The following DOCK2 variants were observed in gnomAD, a reference collection of about 807,000 sequenced individuals.
DOCK2 encodes the protein dedicator of cytokinesis 2.
In DOCK2, 87 loss-of-function variants were observed where a neutral mutation model predicts 248.9. The observed-to-expected ratio is 0.35, with a 90% CI of 0.29 to 0.42. The LOEUF is 0.42. Among genes scored for constraint, DOCK2 ranks in the 10% least tolerant of loss-of-function variants. DOCK2 has a pLI of 1.00. For missense variants in DOCK2, 1,747 were observed against 2,300.2 expected (o/e 0.76, Z 4.92); for synonymous variants, 805 against 821.6 (o/e 0.98, Z 0.35).
At chr5:169,674,782 C>G (rs1458693296) in intron 6 of DOCK2, among the ~76,000 whole-genome samples, 2 of 152,206 alleles carry the variant, frequency 1.3e-5, no homozygotes, top group African/African-American at 4.8e-5. Context: ...TTGCAAAACT[C>G]TCCCTTAAAT....
chr5:169,852,660 A>G (rs924932808), intron 27 of DOCK2, among the ~76,000 whole-genome samples: 1 of 152,252 alleles, frequency 6.6e-6, no homozygotes, highest in African/African-American at 2.4e-5. Flanking sequence ...GGCTTAACAC[A>G]TAGTAGGCCC....
At chr5:169,875,885 T>G (rs1772302164) in intron 27 of DOCK2, 1 of 152,472 alleles carries the variant, frequency 6.6e-6, no homozygotes, top group Admixed American at 6.5e-5. Context: ...GGATTTATTC[T>G]GAGTGTACTT....
intron 36 of DOCK2, among the ~76,000 whole-genome samples, chr5:170,039,630 G>A (rs1314174737): frequency 6.6e-6 from 1 of 152,192 alleles, no homozygotes; most frequent in African/African-American, 2.4e-5. Flanking sequence ...CTGATTTCAG[G>A]CAGCCTACAT....
intron 36 of DOCK2, 79 bp from the exon 37 acceptor site, chr5:170,040,976 T>C: frequency 1.5e-6 from 2 of 1,303,280 alleles, no homozygotes; most frequent in Non-Finnish European, 2.2e-6. Context: ...CCAGTTGTTC[T>C]CTGGGCTCCT....
chr5:169,713,555 A>G (rs989873104), intron 17 of DOCK2, among the ~76,000 whole-genome samples: 3 of 152,158 alleles, frequency 2.0e-5, no homozygotes, highest in African/African-American at 4.8e-5. Context: ...TAATGAAAAA[A>G]AAAATGAGAC....
At chr5:169,833,868 A>T (rs1189897665) in intron 26 of DOCK2, among the ~76,000 whole-genome samples, 1 of 152,232 alleles carries the variant, frequency 6.6e-6, no homozygotes, top group South Asian at 2.1e-4. Flanking sequence ...AGACTTGCAT[A>T]TATTGATATT....
intron 27 of DOCK2, among the ~76,000 whole-genome samples, chr5:169,923,536 A>G (rs1775287703): frequency 6.6e-6 from 1 of 152,198 alleles, no homozygotes; most frequent in Admixed American, 6.5e-5. Flanking sequence ...ATTTTGAGCC[A>G]GAAATTTATC....
At chr5:169,669,212 A>T in intron 2 of DOCK2, 76 bp from the exon 3 acceptor site, 1 of 1,597,184 alleles carries the variant, frequency 6.3e-7, no homozygotes, top group Non-Finnish European at 8.6e-7. Context: ...TTAAAACAAA[A>T]CAAAACAAAA....
intron 27 of DOCK2, among the ~76,000 whole-genome samples, chr5:169,956,410 C>A (rs1259245699): frequency 1.3e-5 from 2 of 152,256 alleles, no homozygotes; most frequent in East Asian, 3.9e-4. Flanking sequence ...TCCCTCCAGT[C>A]CCTCTCTCGT....
intron 27 of DOCK2, among the ~76,000 whole-genome samples, chr5:169,968,725 C>G (rs1777390404): frequency 6.6e-6 from 1 of 152,166 alleles, no homozygotes; most frequent in African/African-American, 2.4e-5. Flanking sequence ...AGGGTACTCC[C>G]TGGGTCAGCT....
At chr5:170,066,743 C>T (rs1442663524) in intron 44 of DOCK2, among the ~76,000 whole-genome samples, 3 of 152,166 alleles carry the variant, frequency 2.0e-5, no homozygotes, top group Non-Finnish European at 4.4e-5. Flanking sequence ...AAATTCTACC[C>T]GTCACCTATT....
intron 25 of DOCK2, among the ~76,000 whole-genome samples, chr5:169,785,368 A>G (rs1294698193): frequency 2.6e-5 from 4 of 152,214 alleles, no homozygotes; most frequent in Admixed American, 6.5e-5. Context: ...TTGCTCTTCC[A>G]TCAGAGAGTG....
chr5:169,966,996 G>A (rs1024709147), intron 27 of DOCK2, among the ~76,000 whole-genome samples: 4 of 152,242 alleles, frequency 2.6e-5, no homozygotes, highest in African/African-American at 9.6e-5. Context: ...TCTTCCATCT[G>A]AGACCATATT....
At chr5:169,989,408 G>A (rs545055250) in intron 29 of DOCK2, among the ~76,000 whole-genome samples, 1 of 152,228 alleles carries the variant, frequency 6.6e-6, no homozygotes, top group South Asian at 2.1e-4. Flanking sequence ...ACATTTTGAG[G>A]AGGCTTAGGA....
intron 27 of DOCK2, among the ~76,000 whole-genome samples, chr5:169,867,407 CTCTGTCTG>C (rs56110833): frequency 1.6e-3 from 239 of 149,192 alleles, no homozygotes; most frequent in African/African-American, 3.6e-3. Flanking sequence ...GTGAAAACCT[CTCTGTCTG>C]TCTGTCTGTC....
At chr5:170,082,569 G>A (rs1323619873) in intron 51 of DOCK2, among the ~76,000 whole-genome samples, 2 of 152,202 alleles carry the variant, frequency 1.3e-5, no homozygotes, top group African/African-American at 2.4e-5. Context: ...GAGGCTCACA[G>A]GGTTTGGTAA....
chr5:169,795,478 G>T (rs1182993139), intron 25 of DOCK2, among the ~76,000 whole-genome samples: 1 of 152,134 alleles, frequency 6.6e-6, no homozygotes, highest in Non-Finnish European at 1.5e-5. Context: ...GTTTCTGGGG[G>T]TGAGGCAAGT....
chr5:169,911,427 AC>A (rs1317391355), intron 27 of DOCK2, among the ~76,000 whole-genome samples: 1 of 152,184 alleles, frequency 6.6e-6, no homozygotes, highest in Non-Finnish European at 1.5e-5. Flanking sequence ...TGTTCCCACT[AC>A]ACTGAGCTGT....
At chr5:169,857,694 C>T (rs1368434401) in intron 27 of DOCK2, among the ~76,000 whole-genome samples, 1 of 149,870 alleles carries the variant, frequency 6.7e-6, no homozygotes, top group Non-Finnish European at 1.5e-5. Flanking sequence ...ACTTAAGTCT[C>T]TCTTTGAGAA....
Sources: gnomAD v4.1 joint callset for allele counts (sites outside exome capture counted in the v4.1 genomes callset) on GRCh38, gnomAD v4.1.1 for gene constraint, MANE v1.5 for transcripts, NCBI Gene and HGNC (gene_info 2026-07-23, HGNC 2026-07-21) for gene names.